LPP: variants seen among roughly 807,000 people sequenced by gnomAD.
LPP encodes the protein lipoma-preferred partner.
Under a neutral mutation model 60.4 loss-of-function variants are expected in LPP, and 38 were observed. The observed-to-expected ratio is 0.63, with a 90% CI of 0.49 to 0.83. LPP has a LOEUF of 0.83. Ranked by LOEUF, LPP falls within the 40% of genes least tolerant of loss-of-function variation. LPP has a pLI of 0.00. For missense variants in LPP, 902 were observed against 783.6 expected, an observed-to-expected ratio of 1.15 and a Z score of -1.80; for synonymous variants, 328 against 290.8, an observed-to-expected ratio of 1.13 and a Z score of -1.30.
chr3:188,468,747 G>T (rs1801066995), intron 4 of LPP, among the ~76,000 whole-genome samples: 1 of 152,110 alleles, frequency 6.6e-6, no homozygotes, highest in South Asian at 2.1e-4. Flanking sequence ...ATCCTTGAAT[G>T]CCAAAGCTGA....
intron 7 of LPP, among the ~76,000 whole-genome samples, chr3:188,670,520 T>C (rs73888872): frequency 0.06 from 9,079 of 151,950 alleles, 884 homozygotes; most frequent in African/African-American, 0.2. Flanking sequence ...TTATTTGTCT[T>C]CTCCACTGTT....
intron 6 of LPP, among the ~76,000 whole-genome samples, chr3:188,580,721 G>C (rs1424354753): frequency 6.6e-6 from 1 of 152,096 alleles, no homozygotes; most frequent in Non-Finnish European, 1.5e-5. Context: ...ATGGATGATG[G>C]CTACAGAAAA....
At chr3:188,677,634 G>C (rs998329759) in intron 7 of LPP, among the ~76,000 whole-genome samples, 1 of 152,188 alleles carries the variant, frequency 6.6e-6, no homozygotes, top group East Asian at 1.9e-4. Context: ...AAATGGGAGA[G>C]GGGGAGGGAA....
chr3:188,690,518 T>C (rs1861882349), intron 7 of LPP, among the ~76,000 whole-genome samples: 1 of 152,218 alleles, frequency 6.6e-6, no homozygotes, highest in Admixed American at 6.5e-5. Context: ...TCCTTTAATC[T>C]ACAAGTTGGA....
At chr3:188,770,304 G>A (rs748271549) in intron 9 of LPP, among the ~76,000 whole-genome samples, 4 of 147,856 alleles carry the variant, frequency 2.7e-5, no homozygotes, top group African/African-American at 5.0e-5. Context: ...TCAGCCTCCC[G>A]AGTAGTTGGG....
chr3:188,856,362 G>A (rs1320391117), intron 9 of LPP, among the ~76,000 whole-genome samples: 1 of 152,046 alleles, frequency 6.6e-6, no homozygotes, highest in African/African-American at 2.4e-5. Flanking sequence ...AATATTCAAG[G>A]GAGTATGGGT....
chr3:188,359,977 A>G (rs928351009), intron 3 of LPP, among the ~76,000 whole-genome samples: 10 of 152,188 alleles, frequency 6.6e-5, no homozygotes, highest in Admixed American at 5.2e-4. Flanking sequence ...CCACTTTAAC[A>G]TATGACTTGA....
At chr3:188,365,910 G>A (rs1017118880) in intron 3 of LPP, among the ~76,000 whole-genome samples, 3 of 152,038 alleles carry the variant, frequency 2.0e-5, no homozygotes, top group African/African-American at 4.8e-5. Context: ...TGGTGAGAAC[G>A]TTTAAGATTT....
chr3:188,221,269 C>T lies in LPP; in HGVS notation c.-189-4136C>T, dbSNP rs1179522110. Among the ~76,000 whole-genome samples the T allele has an allele frequency of 3.9e-5, 6 of 152,186 alleles. No homozygotes were observed. In the East Asian group the frequency reaches 7.7e-4, roughly 20 times the overall value. ...GAAATCCTCTTGGGTGTTCAGGCATCGTTTAGAAGTCACATCATCTGCAGA... is the reference window on the plus strand; with the variant it reads ...GAAATCCTCTTGGGTGTTCAGGCATTGTTTAGAAGTCACATCATCTGCAGA... On this transcript the variant is annotated intron_variant, in intron 1 of 11. Transcript: ENST00000617246.
chr3:188,325,227 C>T (rs371858708), intron 2 of LPP, among the ~76,000 whole-genome samples: 7 of 152,196 alleles, frequency 4.6e-5, no homozygotes, highest in South Asian at 2.1e-4. Context: ...GTGATCCACC[C>T]GCCTCGGCCT....
intron 9 of LPP, among the ~76,000 whole-genome samples, chr3:188,773,093 C>A (rs1267404047): frequency 2.0e-5 from 3 of 152,150 alleles, no homozygotes; most frequent in African/African-American, 7.2e-5. Flanking sequence ...CACTGACTCA[C>A]CCATGAAAAT....
intron 9 of LPP, among the ~76,000 whole-genome samples, chr3:188,865,143 G>C (rs543415888): frequency 6.6e-6 from 1 of 152,166 alleles, no homozygotes; most frequent in Non-Finnish European, 1.5e-5. Flanking sequence ...TACCTCAGTT[G>C]TAATATAGCA....
intron 6 of LPP, among the ~76,000 whole-genome samples, chr3:188,547,440 G>A (rs1272384568): frequency 1.3e-5 from 2 of 152,136 alleles, no homozygotes; most frequent in African/African-American, 2.4e-5. Context: ...CACACCAACC[G>A]TAAGTTACTT....
At chr3:188,440,873 G>A (rs186695439) in intron 4 of LPP, among the ~76,000 whole-genome samples, 31 of 152,058 alleles carry the variant, frequency 2.0e-4, no homozygotes, top group Non-Finnish European at 4.3e-4. Flanking sequence ...AGGCAACAGA[G>A]CAACTGCAAA....
intron 6 of LPP, among the ~76,000 whole-genome samples, chr3:188,579,980 G>A (rs557545927): frequency 1.9e-4 from 29 of 151,872 alleles, no homozygotes; most frequent in African/African-American, 7.0e-4. Flanking sequence ...CAGCCTGAGC[G>A]ACAGAGCAAG....
At chr3:188,304,758 A>G (rs1750984497) in intron 2 of LPP, among the ~76,000 whole-genome samples, 1 of 152,152 alleles carries the variant, frequency 6.6e-6, no homozygotes, top group Admixed American at 6.5e-5. Context: ...TTGCAGTTAT[A>G]TTGTCAGAAA....
At chr3:188,631,908 G>T (rs748158347) in intron 7 of LPP, among the ~76,000 whole-genome samples, 18 of 151,960 alleles carry the variant, frequency 1.2e-4, no homozygotes, top group Non-Finnish European at 2.5e-4. Flanking sequence ...CAATCTCAAA[G>T]GTCACATGTT....
intron 4 of LPP, among the ~76,000 whole-genome samples, chr3:188,457,167 G>A (rs1033431273): frequency 6.6e-6 from 1 of 152,186 alleles, no homozygotes; most frequent in African/African-American, 2.4e-5. Context: ...GAGTTTCTTA[G>A]AATGCACTGA....
intron 6 of LPP, among the ~76,000 whole-genome samples, chr3:188,566,289 T>A (rs899194003): frequency 2.6e-5 from 4 of 151,926 alleles, no homozygotes; most frequent in Admixed American, 6.6e-5. Flanking sequence ...GACTTTCATA[T>A]GTGGGAGCAA....
Sources: allele counts gnomAD v4.1 joint callset (sites outside exome capture counted in the v4.1 genomes callset), GRCh38; gene constraint gnomAD v4.1.1; transcripts MANE v1.5; gene names NCBI Gene and HGNC (gene_info 2026-07-23, HGNC 2026-07-21).